Variants in UGT1A4 observed in about 807,000 individuals in gnomAD.
The protein encoded by UGT1A4 is UDP-glucuronosyltransferase 1A4.
A neutral mutation model predicts 41.1 loss-of-function variants in UGT1A4; 32 were observed. That is an observed-to-expected ratio of 0.78 (90% confidence interval 0.59 to 1.05). UGT1A4 has a LOEUF of 1.05. UGT1A4 is among the 50% of genes least tolerant of loss of function. UGT1A4 has a pLI of 0.00. For missense variants in UGT1A4, 748 were observed against 677.4 expected (o/e 1.10, Z -1.16); for synonymous variants, 283 against 265.1 (o/e 1.07, Z -0.66).
intron 1 of UGT1A4, among the ~76,000 whole-genome samples, chr2:233,766,473 C>CA (rs574900488): frequency 1.1e-4 from 17 of 152,240 alleles, no homozygotes; most frequent in African/African-American, 4.1e-4. Context: ...TTTTTATAGG[C>CA]ACATGATGGG....
rs376650980 is a variant in UGT1A4, at chr2:233,751,304, T to C, written c.868-15730T>C. ...TTCTCCCATTTGGAATGGGAATATTTACCCAATTTCTGTACCCCCATTGTG... is the reference window on the plus strand; with the variant it reads ...TTCTCCCATTTGGAATGGGAATATTCACCCAATTTCTGTACCCCCATTGTG... On this transcript the variant is annotated intron_variant, in intron 1 of 4. Transcript: ENST00000373409. Among the ~76,000 whole-genome samples, 29 of 152,116 alleles carry C rather than the reference T, an allele frequency of 1.9e-4. No individual in the cohort carries two copies. The South Asian group carries it at 2.7e-3, about 14-fold the overall frequency.
chr2:233,754,396 G>C (rs1026750148), intron 1 of UGT1A4: 23 of 330,472 alleles, frequency 7.0e-5, no homozygotes, highest in African/African-American at 4.7e-4. Context: ...GGTCCTATCC[G>C]TGCAGTCCCA....
At position 233,743,541 on chromosome 2, in the gene UGT1A4, A is replaced by AC. The variant is rs544018510; in HGVS notation, c.868-23486dup. On this transcript the variant is annotated intron_variant, in intron 1 of 4. Coordinates refer to ENST00000373409, the MANE Select transcript of UGT1A4 (RefSeq NM_007120.3). ...TTCTGCTTCCCCAGCAGTTCCTCTG[A>AC]CCCCCCCAAAATATTCTCCAGCGGG... 1.1e-3 allele frequency: 1,461 copies of AC among 1,366,810 alleles called. 41 individuals carry two copies. The African/African-American group carries it at 0.017, about 16-fold the overall frequency. The allele number at this position is 1,366,810 out of a possible 1,614,324, so 84.7% of individuals were successfully genotyped here. A position where few individuals can be genotyped will look rare whatever the true frequency, so the allele number is the denominator to read the frequency against.
At chr2:233,765,711 T>TTAA (rs10664358) in intron 1 of UGT1A4, among the ~76,000 whole-genome samples, 1,596 of 149,282 alleles carry the variant, frequency 0.011, 27 homozygotes, top group African/African-American at 0.036. Context: ...ATAATAATAA[T>TTAA]TAATAATAAT....
Position 233,730,113 on chromosome 2 carries a change from C to G in UGT1A4, c.867+10426C>G. 5 of 1,563,498 alleles carry G rather than the reference C, an allele frequency of 3.2e-6. No individual in the cohort carries two copies. The South Asian group carries it at 5.9e-5, about 18-fold the overall frequency. ...TTCCAAATATTTCATTTCTGCTTCT[C>G]CTTGTCATAATAGCCTTCAGTGAGA... is the stretch of plus-strand genomic sequence containing the variant. On this transcript the variant is annotated intron_variant, in intron 1 of 4. Coordinates refer to ENST00000373409, the MANE Select transcript of UGT1A4 (RefSeq NM_007120.3).
At chr2:233,743,230 T>A (rs751434159) in intron 1 of UGT1A4, 5 of 416,618 alleles carry the variant, frequency 1.2e-5, no homozygotes, top group Non-Finnish European at 2.4e-5. Flanking sequence ...TGCTATTTAT[T>A]ATGAAGGACT....
chr2:233,724,359 C>T (rs1387977005), intron 1 of UGT1A4, among the ~76,000 whole-genome samples: 12 of 146,792 alleles, frequency 8.2e-5, no homozygotes, highest in South Asian at 2.3e-4. Context: ...ACCTCCCTCC[C>T]GGACGGGGTG....
intron 1 of UGT1A4, among the ~76,000 whole-genome samples, chr2:233,746,724 T>G (rs1380174241): frequency 1.3e-5 from 2 of 151,818 alleles, no homozygotes; most frequent in Non-Finnish European, 2.9e-5. Flanking sequence ...GAATTAGCAA[T>G]GGATTCTGCT....
At chr2:233,768,134 C>CT (rs1360779750) in intron 3 of UGT1A4, 86 bp from the exon 4 acceptor site, 2 of 1,607,930 alleles carry the variant, frequency 1.2e-6, no homozygotes, top group African/African-American at 2.7e-5. Flanking sequence ...AACACTGAGT[C>CT]TTTGGAGTGT....
intron 1 of UGT1A4, chr2:233,753,430 GGTTAAT>G (rs1304983962): frequency 6.6e-6 from 1 of 152,150 alleles, no homozygotes; most frequent in African/African-American, 2.4e-5. Flanking sequence ...AGTATTTGTT[GGTTAAT>G]GATGTGTTCA....
chr2:233,737,268 C>T (rs1008079233), intron 1 of UGT1A4, among the ~76,000 whole-genome samples: 4 of 152,268 alleles, frequency 2.6e-5, no homozygotes, highest in African/African-American at 9.6e-5. Context: ...CAATGGCGGA[C>T]ACCCCTCACC....
intron 1 of UGT1A4, among the ~76,000 whole-genome samples, chr2:233,731,469 T>C (rs1244110425): frequency 6.6e-6 from 1 of 152,156 alleles, no homozygotes; most frequent in Non-Finnish European, 1.5e-5. Context: ...TGGCGTGTGA[T>C]GTTCCCTGGC....
At chr2:233,759,578 C>T (rs1477020386) in intron 1 of UGT1A4, among the ~76,000 whole-genome samples, 1 of 151,810 alleles carries the variant, frequency 6.6e-6, no homozygotes, top group East Asian at 1.9e-4. Context: ...ATTCTCTACC[C>T]CAGCACGCCC....
In UGT1A4 at chr2:233,772,898, G is replaced by C. The variant is rs1042640; in HGVS notation, c.*339G>C. 367,954 of 456,154 alleles carry C rather than the reference G, an allele frequency of 0.81. 148,868 individuals are homozygous for C. Among genetic ancestry groups the C allele is most frequent in the East Asian group, 0.89 (15,034 of 16,914 alleles). The allele number at this position is 456,154 out of a possible 1,614,324, so 28.3% of individuals were successfully genotyped here. On this transcript the variant is annotated 3_prime_UTR_variant, in exon 5 of 5. Coordinates refer to ENST00000373409, the MANE Select transcript of UGT1A4 (RefSeq NM_007120.3). ...GTGCGGGATTCAAAGGTGGTCCCACGGCTGCCCCTACTGCAAATGGCAGTT... is the reference window on the plus strand; with the variant it reads ...GTGCGGGATTCAAAGGTGGTCCCACCGCTGCCCCTACTGCAAATGGCAGTT...
chr2:233,720,908 G>A (rs900265154), intron 1 of UGT1A4, among the ~76,000 whole-genome samples: 18 of 140,522 alleles, frequency 1.3e-4, no homozygotes, highest in African/African-American at 3.0e-4. Context: ...ATGAGGTTTC[G>A]CAATGTTAGC....
intron 1 of UGT1A4, chr2:233,753,750 T>C (rs1387497613): frequency 6.6e-6 from 1 of 152,184 alleles, no homozygotes; most frequent in Non-Finnish European, 1.5e-5. Context: ...AATAGGACAG[T>C]TTTGCGTGGC....
At chr2:233,766,877 C>T (rs3213726) in intron 1 of UGT1A4, among the ~76,000 whole-genome samples, 157 bp from the exon 2 acceptor site, 1 of 152,218 alleles carries the variant, frequency 6.6e-6, no homozygotes, top group Non-Finnish European at 1.5e-5. Flanking sequence ...GAGGAAAATG[C>T]TGTAAAACTT....
At chr2:233,760,858 T>C (rs1196570380) in intron 1 of UGT1A4, 1 of 1,614,090 alleles carries the variant, frequency 6.2e-7, no homozygotes, top group Non-Finnish European at 8.5e-7. Flanking sequence ...CAACCCATTC[T>C]CCTACGTGCC....
intron 1 of UGT1A4, among the ~76,000 whole-genome samples, chr2:233,750,457 C>T (rs542993869): frequency 6.6e-5 from 10 of 152,092 alleles, no homozygotes; most frequent in African/African-American, 2.4e-4. Flanking sequence ...AAACCAGCTA[C>T]AGAAATACTG....
Sources: gnomAD v4.1 joint callset for allele counts (sites outside exome capture counted in the v4.1 genomes callset) on GRCh38, gnomAD v4.1.1 for gene constraint, MANE v1.5 for transcripts, NCBI Gene and HGNC (gene_info 2026-07-23, HGNC 2026-07-21) for gene names.